The following DSCAM variants were observed in gnomAD, a reference collection of about 807,000 sequenced individuals.
DSCAM encodes the protein cell adhesion molecule DSCAM.
A neutral mutation model predicts 217.7 loss-of-function variants in DSCAM; 47 were observed. The ratio of observed to expected loss-of-function variants is 0.22; its 90% CI spans 0.17 to 0.28. The LOEUF (loss-of-function observed/expected upper bound fraction) is 0.28. Ranked by LOEUF, DSCAM falls within the 10% of genes least tolerant of loss-of-function variation. The pLI is 1.00. For missense variants in DSCAM, 2,080 were observed against 2,618.3 expected (o/e 0.79, Z 4.49); for synonymous variants, 1,056 against 1,015.3 (o/e 1.04, Z -0.76).
intron 10 of DSCAM, among the ~76,000 whole-genome samples, chr21:40,283,709 T>A (rs2073791560): frequency 6.6e-6 from 1 of 152,216 alleles, no homozygotes; most frequent in Admixed American, 6.5e-5. Context: ...TTTCTCTGCA[T>A]CCTTAATTTC....
chr21:40,300,464 C>A (rs1255954217), intron 9 of DSCAM, among the ~76,000 whole-genome samples: 3 of 152,208 alleles, frequency 2.0e-5, no homozygotes, highest in Non-Finnish European at 1.5e-5. Context: ...CCTCTGTCCA[C>A]CCGGCTTCAG....
At chr21:40,622,727 C>T (rs1290348188) in intron 3 of DSCAM, among the ~76,000 whole-genome samples, 1 of 152,136 alleles carries the variant, frequency 6.6e-6, no homozygotes, top group Non-Finnish European at 1.5e-5. Context: ...CCACAGTCAG[C>T]ACTTTTGGCC....
At chr21:40,066,030 C>T (rs1051449515) in intron 27 of DSCAM, among the ~76,000 whole-genome samples, 1 of 152,256 alleles carries the variant, frequency 6.6e-6, no homozygotes, top group African/African-American at 2.4e-5. Context: ...CAAAGCCCTC[C>T]ATCGTCCCCA....
intron 14 of DSCAM, among the ~76,000 whole-genome samples, chr21:40,181,830 C>A (rs181977136): frequency 6.6e-6 from 1 of 152,054 alleles, no homozygotes; most frequent in East Asian, 1.9e-4. Context: ...ACTGAGAGGG[C>A]TGTATAGGCT....
At chr21:40,192,624 G>A (rs1395195123) in intron 11 of DSCAM, among the ~76,000 whole-genome samples, 1 of 152,054 alleles carries the variant, frequency 6.6e-6, no homozygotes, top group Admixed American at 6.5e-5. Context: ...CACAATACCC[G>A]TATTACCTTT....
rs185960300 is a variant in DSCAM at position 40,169,080 on chromosome 21, T to A, written c.2948-1792A>T. 2.9e-3 allele frequency among the ~76,000 whole-genome samples: 442 copies of A among 152,164 alleles called. 6 individuals carry two copies. Among genetic ancestry groups the A allele is most frequent in the African/African-American group, 0.01 (428 of 41,494 alleles). ...ACAACAAAAGGTAAACTTGAAGGAA[T>A]AATGAATGTCCTGGCAGAAACTGAA... On this transcript the variant is annotated intron_variant, in intron 15 of 32. Transcript: ENST00000400454.
At chr21:40,495,573 A>T (rs1018518155) in intron 3 of DSCAM, among the ~76,000 whole-genome samples, 4 of 152,216 alleles carry the variant, frequency 2.6e-5, no homozygotes, top group Non-Finnish European at 5.9e-5. Context: ...CAAAGCTAAC[A>T]TTGTACACAA....
At chr21:40,479,432 C>G (rs1334985565) in intron 3 of DSCAM, among the ~76,000 whole-genome samples, 2 of 152,268 alleles carry the variant, frequency 1.3e-5, no homozygotes, top group East Asian at 3.9e-4. Flanking sequence ...CATTTTCATA[C>G]TCCTATGAAG....
chr21:40,748,110 T>C (rs2091192711), intron 1 of DSCAM, among the ~76,000 whole-genome samples: 1 of 151,936 alleles, frequency 6.6e-6, no homozygotes, highest in South Asian at 2.1e-4. Flanking sequence ...GAGAACATCA[T>C]ACTGAGCAGG....
chr21:40,297,944 G>T (rs188050616), intron 9 of DSCAM, among the ~76,000 whole-genome samples: 1 of 152,126 alleles, frequency 6.6e-6, no homozygotes, highest in East Asian at 1.9e-4. Flanking sequence ...CTGAAAATTG[G>T]AGATGATTAT....
chr21:40,532,741 T>C (rs1300254980), intron 3 of DSCAM, among the ~76,000 whole-genome samples: 5 of 151,604 alleles, frequency 3.3e-5, no homozygotes, highest in South Asian at 2.1e-4. Flanking sequence ...GAGCCTGGGG[T>C]AACCTGGGGG....
At chr21:40,445,321 G>A (rs1209951592) in intron 3 of DSCAM, among the ~76,000 whole-genome samples, 5 of 152,178 alleles carry the variant, frequency 3.3e-5, no homozygotes, top group Non-Finnish European at 7.3e-5. Flanking sequence ...GGGCTGTTAG[G>A]TGACTCAGTT....
intron 3 of DSCAM, among the ~76,000 whole-genome samples, chr21:40,411,137 C>T (rs2075318921): frequency 6.8e-6 from 1 of 147,978 alleles, no homozygotes; most frequent in Non-Finnish European, 1.5e-5. Flanking sequence ...ATATATGTGA[C>T]CAGACTCAAT....
chr21:40,410,371 C>T (rs534837898), intron 3 of DSCAM, among the ~76,000 whole-genome samples: 65 of 151,836 alleles, frequency 4.3e-4, no homozygotes, highest in African/African-American at 1.4e-3. Context: ...AGTGTAATAT[C>T]AAGCAGTATA....
chr21:40,085,905 T>C (rs935669476), intron 22 of DSCAM, 140 bp from the exon 23 acceptor site: 33 of 691,416 alleles, frequency 4.8e-5, no homozygotes, highest in Middle Eastern at 2.8e-4. Flanking sequence ...AAGAACTAAA[T>C]ATGATTACAT....
At chr21:40,195,810 T>G (rs2091001580) in intron 11 of DSCAM, among the ~76,000 whole-genome samples, 2 of 152,158 alleles carry the variant, frequency 1.3e-5, no homozygotes, top group African/African-American at 4.8e-5. Context: ...ATTTTAAAGC[T>G]ATTTTTTCAA....
chr21:40,314,826 C>G (rs2074178694), intron 8 of DSCAM, among the ~76,000 whole-genome samples: 1 of 152,118 alleles, frequency 6.6e-6, no homozygotes, highest in African/African-American at 2.4e-5. Flanking sequence ...TTACTTAACC[C>G]CTCTCAGGGT....
intron 20 of DSCAM, among the ~76,000 whole-genome samples, chr21:40,102,558 G>A (rs1159266514): frequency 6.6e-6 from 1 of 152,140 alleles, no homozygotes; most frequent in Non-Finnish European, 1.5e-5. Flanking sequence ...TGGGAACAGC[G>A]TCTTCTAGAC....
intron 3 of DSCAM, among the ~76,000 whole-genome samples, chr21:40,658,245 T>C (rs2146373689): frequency 6.6e-6 from 1 of 152,208 alleles, no homozygotes; most frequent in South Asian, 2.1e-4. Flanking sequence ...AAAGAAAACA[T>C]ATCAAAGGCA....
Sources: allele counts gnomAD v4.1 joint callset (sites outside exome capture counted in the v4.1 genomes callset), GRCh38; gene constraint gnomAD v4.1.1; transcripts MANE v1.5; gene names NCBI Gene and HGNC (gene_info 2026-07-23, HGNC 2026-07-21).